The following PATJ variants were observed in gnomAD, a reference collection of about 807,000 sequenced individuals.
PATJ encodes the protein inaD-like protein.
A neutral mutation model predicts 224.9 loss-of-function variants in PATJ; 190 were observed. The observed-to-expected ratio is 0.84, with a 90% confidence interval of 0.75 to 0.95. The LOEUF is 0.95. PATJ is among the 40% of genes least tolerant of loss of function. The probability of loss-of-function intolerance (pLI) is 0.00; values close to 1 mark genes in which losing one functional copy is unlikely to be tolerated. For missense variants in PATJ, 2,121 were observed against 2,270.3 expected, an observed-to-expected ratio of 0.93 and a Z score of 1.34; for synonymous variants, 769 against 820.3, an observed-to-expected ratio of 0.94 and a Z score of 1.07.
intron 30 of PATJ, among the ~76,000 whole-genome samples, chr1:62,045,529 T>G (rs1652377964): frequency 6.6e-6 from 1 of 151,910 alleles, no homozygotes; most frequent in African/African-American, 2.4e-5. Context: ...ACCTTACAAG[T>G]CTTGCCTTTT....
intron 28 of PATJ, among the ~76,000 whole-genome samples, chr1:61,992,348 C>T (rs1298890375): frequency 6.6e-6 from 1 of 152,050 alleles, no homozygotes; most frequent in Non-Finnish European, 1.5e-5. Flanking sequence ...GAACTCCCGA[C>T]CTCGGGTAAT....
intron 25 of PATJ, among the ~76,000 whole-genome samples, chr1:61,909,161 G>A (rs1044112335): frequency 6.6e-6 from 1 of 151,938 alleles, no homozygotes; most frequent in Admixed American, 6.6e-5. Context: ...TGTATTTTTA[G>A]TAGAGACGAG....
chr1:61,965,348 G>C (rs1052179122), intron 27 of PATJ, among the ~76,000 whole-genome samples: 1 of 151,562 alleles, frequency 6.6e-6, no homozygotes, highest in Non-Finnish European at 1.5e-5. Flanking sequence ...CTAAAACTCA[G>C]TAGAGTTATT....
At chr1:62,143,010 G>A (rs1371726624) in intron 41 of PATJ, among the ~76,000 whole-genome samples, 4 of 152,158 alleles carry the variant, frequency 2.6e-5, no homozygotes, top group Admixed American at 6.5e-5. Context: ...AAGGTGAATG[G>A]GGATTCCAGC....
At chr1:61,881,201 GCAT>G (rs1668041470) in intron 21 of PATJ, among the ~76,000 whole-genome samples, 1 of 152,136 alleles carries the variant, frequency 6.6e-6, no homozygotes, top group African/African-American at 2.4e-5. Flanking sequence ...ACAGAGAAAA[GCAT>G]CATGTTTGCA....
Position 61,787,907 on chromosome 1 carries a change from AC to A in PATJ, c.1010del (p.Pro337LeufsTer13), listed in dbSNP as rs754993894. On this transcript the variant is annotated frameshift_variant, in exon 8 of 44. Coordinates refer to ENST00000642238, the MANE Select transcript of PATJ (RefSeq NM_001350145.3). LOFTEE classifies it high-confidence loss of function. ...ARDPAGDISV[T>X]PPAPAALPVA... ...AGATCCAGCTGGTGACATTTCAGTC[AC>A]CCCCCCTGCCCCTGCAGCCTTACCT... 2.0e-4 allele frequency: 315 copies of A among 1,612,502 alleles called. No individual in the cohort carries two copies. The highest frequency in any genetic ancestry group is 2.2e-4 in the Non-Finnish European group (262 of 1,179,618).
chr1:62,081,217 G>A (rs564056708), intron 32 of PATJ, among the ~76,000 whole-genome samples: 2 of 152,224 alleles, frequency 1.3e-5, no homozygotes, highest in Non-Finnish European at 2.9e-5. Flanking sequence ...ATACTTAGAT[G>A]ACAGAAATTC....
rs925461581 is a variant in PATJ, at chr1:62,158,017, A to C, written c.5503-2891A>C. ...TGAACTTGGTTGTCACTAGTGTTTTATTTTATTATATTACCACCACGTTGA... is the reference window on the plus strand; with the variant it reads ...TGAACTTGGTTGTCACTAGTGTTTTCTTTTATTATATTACCACCACGTTGA... On this transcript the variant is annotated intron_variant, in intron 43 of 43. Coordinates refer to ENST00000642238, the MANE Select transcript of PATJ (RefSeq NM_001350145.3). 1.3e-5 allele frequency among the ~76,000 whole-genome samples: 2 copies of C among 148,702 alleles called. 1 individual carries two copies. Among genetic ancestry groups the C allele is most frequent in the Admixed American group, 1.4e-4 (2 of 14,074 alleles).
chr1:62,083,243 G>T (rs1333352598), intron 32 of PATJ, among the ~76,000 whole-genome samples: 1 of 152,168 alleles, frequency 6.6e-6, no homozygotes, highest in African/African-American at 2.4e-5. Flanking sequence ...TCCTGCCTTA[G>T]TCTCCTGAGT....
chr1:61,885,921 G>A lies in PATJ; in HGVS notation c.3131+1513G>A, dbSNP rs549912105. 3.5e-3 allele frequency among the ~76,000 whole-genome samples: 517 copies of A among 147,966 alleles called. 4 individuals carry two copies. Among genetic ancestry groups the A allele is most frequent in the Non-Finnish European group, 5.4e-3 (359 of 66,520 alleles). ...AAATCATCGTTCTCAGTAAACTATC[G>A]CAAGGAGAAAAAACCAAACACTGCA... On this transcript the variant is annotated intron_variant, in intron 22 of 43. Transcript: ENST00000642238.
rs1300113032 is a variant in PATJ at position 62,106,156 on chromosome 1, GTGTATATATATA to G, written c.4378-2279_4378-2268del. ...TATACATGTGTATATGTGTGTGTGT[GTGTATATATATA>G]TATATATATATATATATATGGCTGG... On this transcript the variant is annotated intron_variant, in intron 33 of 43. Transcript: ENST00000642238. 1.1e-4 allele frequency among the ~76,000 whole-genome samples: 6 copies of G among 54,870 alleles called. 1 individual carries two copies. The highest frequency in any genetic ancestry group is 8.2e-4 in the South Asian group (1 of 1,220). 36.0% of individuals were successfully genotyped at this position (54,870 alleles called of 152,430 possible). A position where few individuals can be genotyped will look rare whatever the true frequency, so the allele number is the denominator to read the frequency against.
intron 26 of PATJ, 72 bp from the exon 27 acceptor site, chr1:61,927,658 T>C: frequency 1.1e-6 from 1 of 939,842 alleles, no homozygotes; most frequent in Non-Finnish European, 1.7e-6. Context: ...TATCTTTTTA[T>C]GCTTTTTGTC....
intron 34 of PATJ, among the ~76,000 whole-genome samples, chr1:62,109,341 G>T (rs1457961894): frequency 6.6e-6 from 1 of 151,974 alleles, no homozygotes; most frequent in Non-Finnish European, 1.5e-5. Flanking sequence ...TCCCTTTGGT[G>T]GTTCATTTCT....
At chr1:62,083,227 C>T (rs867679583) in intron 32 of PATJ, among the ~76,000 whole-genome samples, 1 of 152,172 alleles carries the variant, frequency 6.6e-6, no homozygotes, top group Non-Finnish European at 1.5e-5. Context: ...CGGGCTCAAG[C>T]GATTCTCCTG....
At chr1:62,128,226 T>G in intron 40 of PATJ, 132 bp downstream of exon 40, 1 of 809,346 alleles carries the variant, frequency 1.2e-6, no homozygotes, top group Non-Finnish European at 2.0e-6. Context: ...CAAGATGCAT[T>G]AGATAAACTT....
chr1:62,085,093 C>G (rs566321955), intron 33 of PATJ, among the ~76,000 whole-genome samples: 116 of 152,340 alleles, frequency 7.6e-4, no homozygotes, highest in Non-Finnish European at 1.3e-3. Context: ...GAAACCCTAT[C>G]TCTACTAAAA....
rs1019796386 is a variant in PATJ at position 61,962,525 on chromosome 1, A to G, written c.3671-27643A>G. Among the ~76,000 whole-genome samples, 4 of 152,198 alleles carry G rather than the reference A, an allele frequency of 2.6e-5. No individual in the cohort carries two copies. The East Asian group carries it at 5.8e-4, about 22-fold the overall frequency. On this transcript the variant is annotated intron_variant, in intron 27 of 43. Transcript: ENST00000642238. ...CAAATCAATCTAGATGTGTAGAGTAATTGGACTGGGTTTGTGGTGTGATGA... is the reference window on the plus strand; with the variant it reads ...CAAATCAATCTAGATGTGTAGAGTAGTTGGACTGGGTTTGTGGTGTGATGA...
At position 61,805,450 on chromosome 1, in the gene PATJ, A is replaced by G; in HGVS notation, c.1552A>G (p.Lys518Glu). Residue 518 changes from lysine to glutamate, a missense_variant and splice_region_variant, in exon 13 of 44, where the codon AAA (lysine) becomes GAA (glutamate). Physicochemically the swap from Lys to Glu is moderately conservative, Grantham distance 56. Coordinates refer to ENST00000642238, the MANE Select transcript of PATJ (RefSeq NM_001350145.3). Reference sequence around the variant, plus strand: ...CTCTCTTTTTTTTTAATATCCAGAAAAAGTCCCAGACTCTCCAGAAAATGA... The same window carrying G: ...CTCTCTTTTTTTTTAATATCCAGAAGAAGTCCCAGACTCTCCAGAAAATGA... ...DNIQALEKLE[K>E]VPDSPENELK... The G allele has an allele frequency of 6.3e-7, 1 of 1,596,626 alleles. No individual in the cohort carries two copies. Among genetic ancestry groups the G allele is most frequent in the East Asian group, 2.2e-5 (1 of 44,738 alleles).
At position 61,857,167 on chromosome 1, in the gene PATJ, G is replaced by T. The variant is rs530603998; in HGVS notation, c.2322+928G>T. On this transcript the variant is annotated intron_variant, in intron 18 of 43. Transcript: ENST00000642238. Reference sequence around the variant, plus strand: ...TACATTACAGTTATGGTGCTCTGGAGGCCTCTAATGCAAAAAACAAACCAC... The same window carrying T: ...TACATTACAGTTATGGTGCTCTGGATGCCTCTAATGCAAAAAACAAACCAC... Among the ~76,000 whole-genome samples the T allele has an allele frequency of 2.0e-5, 3 of 152,098 alleles. No homozygotes were observed. In the South Asian group the frequency reaches 6.2e-4, roughly 32 times the overall value.
Sources: gnomAD v4.1 joint callset for allele counts (sites outside exome capture counted in the v4.1 genomes callset) on GRCh38, gnomAD v4.1.1 for gene constraint, MANE v1.5 for transcripts, NCBI Gene and HGNC (gene_info 2026-07-23, HGNC 2026-07-21) for gene names.